The following OR1J2 variants were observed in gnomAD, a reference collection of about 807,000 sequenced individuals.
The protein encoded by OR1J2 is olfactory receptor 1J2.
For synonymous variants in OR1J2, 142 were observed against 99.7 expected, an observed-to-expected ratio of 1.42 and a Z score of -2.52; for missense variants, 304 against 246.1, an observed-to-expected ratio of 1.24 and a Z score of -1.57.
the OR1J2 span, among the ~76,000 whole-genome samples, chr9:122,501,466 C>G: frequency 6.6e-6 from 1 of 152,202 alleles, no homozygotes; most frequent in Non-Finnish European, 1.5e-5. Flanking sequence ...TTTCCGAAGC[C>G]TCAGGGAACA....
chr9:122,461,666 T>C, the OR1J2 span, among the ~76,000 whole-genome samples: 3 of 152,280 alleles, frequency 2.0e-5, no homozygotes, highest in East Asian at 5.8e-4. Flanking sequence ...CTTGATTTCA[T>C]TGTTGACCCA....
upstream of OR1J2, among the ~76,000 whole-genome samples, chr9:122,506,105 A>G (rs1828520211): frequency 6.6e-6 from 1 of 152,188 alleles, no homozygotes; most frequent in South Asian, 2.1e-4. Flanking sequence ...GGTTCTACCT[A>G]AATTCTCAGA....
At chr9:122,526,263 C>G in the OR1J2 span, 1 of 621,942 alleles carries the variant, frequency 1.6e-6, no homozygotes, top group Non-Finnish European at 2.6e-6. Context: ...AACCAGACTA[C>G]AATCTTATGG....
chr9:122,544,632 C>A, the OR1J2 span, among the ~76,000 whole-genome samples: 1 of 152,062 alleles, frequency 6.6e-6, no homozygotes, highest in Non-Finnish European at 1.5e-5. Context: ...GTTAGTCAGA[C>A]TGGTCTCGAA....
the OR1J2 span, among the ~76,000 whole-genome samples, chr9:122,562,651 C>A: frequency 1.3e-5 from 2 of 152,182 alleles, no homozygotes; most frequent in Non-Finnish European, 2.9e-5. Context: ...ACTGCCTAGT[C>A]AGTCCTGGTG....
At chr9:122,488,996 C>G in the OR1J2 span, among the ~76,000 whole-genome samples, 1 of 151,794 alleles carries the variant, frequency 6.6e-6, no homozygotes, top group Non-Finnish European at 1.5e-5. Flanking sequence ...AATGCTATCC[C>G]TCCCCTAACC....
the OR1J2 span, among the ~76,000 whole-genome samples, chr9:122,521,035 TA>T: frequency 1.3e-5 from 2 of 152,240 alleles, no homozygotes; most frequent in Non-Finnish European, 2.9e-5. Flanking sequence ...TTGTAATCTC[TA>T]TATACCAGGG....
At chr9:122,544,205 A>T in the OR1J2 span, among the ~76,000 whole-genome samples, 2,333 of 151,970 alleles carry the variant, frequency 0.015, 74 homozygotes, top group African/African-American at 0.054. Context: ...AATTTTTTTT[A>T]AATGATGAGG....
chr9:122,499,883 A>ACACAT, the OR1J2 span, among the ~76,000 whole-genome samples: 2,497 of 152,300 alleles, frequency 0.016, 68 homozygotes, highest in African/African-American at 0.057. Flanking sequence ...CATCAATGGC[A>ACACAT]CACATAGATC....
At chr9:122,519,519 T>C in the OR1J2 span, 2 of 1,614,214 alleles carry the variant, frequency 1.2e-6, no homozygotes, top group Non-Finnish European at 8.5e-7. Flanking sequence ...TGTGGCCATC[T>C]GTCACCCCCT....
chr9:122,484,451 C>T, the OR1J2 span, among the ~76,000 whole-genome samples: 1 of 152,112 alleles, frequency 6.6e-6, no homozygotes, highest in African/African-American at 2.4e-5. Context: ...TGAGCCACTG[C>T]GCCTGGCGAA....
the OR1J2 span, among the ~76,000 whole-genome samples, chr9:122,494,879 G>A: frequency 0.013 from 1,943 of 152,276 alleles, 25 homozygotes; most frequent in Non-Finnish European, 0.022. Flanking sequence ...TACTGACTTG[G>A]TAGTGGTGAA....
the OR1J2 span, among the ~76,000 whole-genome samples, chr9:122,492,639 C>G: frequency 3.9e-5 from 6 of 152,120 alleles, no homozygotes; most frequent in Non-Finnish European, 7.4e-5. Context: ...ATTCCCTTTT[C>G]TCTGCAGCCT....
the OR1J2 span, among the ~76,000 whole-genome samples, chr9:122,494,380 A>G: frequency 3.3e-5 from 5 of 152,268 alleles, no homozygotes; most frequent in African/African-American, 1.2e-4. Context: ...AGGTACATAT[A>G]CATTTAAAAT....
the OR1J2 span, chr9:122,477,158 C>A: frequency 3.1e-6 from 5 of 1,614,030 alleles, no homozygotes. Context: ...AAATAGAGAC[C>A]AATAATTGTC....
chr9:122,466,091 C>T, the OR1J2 span, among the ~76,000 whole-genome samples: 1 of 152,120 alleles, frequency 6.6e-6, no homozygotes, highest in Non-Finnish European at 1.5e-5. Flanking sequence ...CCAGTTGGTT[C>T]ATATACTTTT....
the OR1J2 span, among the ~76,000 whole-genome samples, chr9:122,501,236 G>T: frequency 6.6e-6 from 1 of 152,088 alleles, no homozygotes; most frequent in Non-Finnish European, 1.5e-5. Context: ...TTTGTGAACC[G>T]TTGTTGAATT....
At chr9:122,553,367 C>G in the OR1J2 span, 2 of 1,614,058 alleles carry the variant, frequency 1.2e-6, no homozygotes, top group Non-Finnish European at 1.7e-6. Flanking sequence ...TCCTGGCCAT[C>G]AGCTCTGACC....
downstream of OR1J2, among the ~76,000 whole-genome samples, chr9:122,513,590 T>C (rs1828665369): frequency 6.6e-6 from 1 of 152,084 alleles, no homozygotes; most frequent in Non-Finnish European, 1.5e-5. Context: ...GTTTGTTACA[T>C]AGGTATACGT....
Sources: gnomAD v4.1 joint callset for allele counts (sites outside exome capture counted in the v4.1 genomes callset) on GRCh38, gnomAD v4.1.1 for gene constraint, MANE v1.5 for transcripts, NCBI Gene and HGNC (gene_info 2026-07-23, HGNC 2026-07-21) for gene names.